CDH19: variants seen among roughly 807,000 people sequenced by gnomAD.
The protein encoded by CDH19 is cadherin 19, also known as cadherin-19.
Under a neutral mutation model 64.2 loss-of-function variants are expected in CDH19, and 67 were observed. The ratio of observed to expected loss-of-function variants is 1.04; its 90% CI spans 0.86 to 1.28. The LOEUF is 1.28. Among genes scored for constraint, CDH19 ranks in the 50% most tolerant of loss-of-function variants. The probability of loss-of-function intolerance (pLI) is 0.00; values close to 1 mark genes in which losing one functional copy is unlikely to be tolerated. For missense variants in CDH19, 1,030 were observed against 929.0 expected, an observed-to-expected ratio of 1.11 and a Z score of -1.41; for synonymous variants, 346 against 319.3, an observed-to-expected ratio of 1.08 and a Z score of -0.89.
intron 1 of CDH19, among the ~76,000 whole-genome samples, chr18:66,575,603 C>A (rs1209749773): frequency 6.6e-6 from 1 of 151,750 alleles, no homozygotes; most frequent in Non-Finnish European, 1.5e-5. Context: ...AGTTGTTACA[C>A]CAAAGCCGTA....
chr18:66,594,567 C>G (rs1273126286), intron 1 of CDH19, among the ~76,000 whole-genome samples: 1 of 151,938 alleles, frequency 6.6e-6, no homozygotes, highest in Non-Finnish European at 1.5e-5. Context: ...GAATCACAGT[C>G]TTGGAACACA....
chr18:66,558,337 T>C (rs1200172613), intron 3 of CDH19, among the ~76,000 whole-genome samples: 1 of 150,710 alleles, frequency 6.6e-6, no homozygotes, highest in Non-Finnish European at 1.5e-5. Flanking sequence ...CTAATTATCT[T>C]TGTTTATTTT....
At chr18:66,601,152 G>T (rs1479138980) in intron 1 of CDH19, among the ~76,000 whole-genome samples, 1 of 151,712 alleles carries the variant, frequency 6.6e-6, no homozygotes, top group African/African-American at 2.4e-5. Flanking sequence ...TTTATGTTTA[G>T]TAGTATTATC....
chr18:66,515,278 A>C (rs1286662791), intron 9 of CDH19, among the ~76,000 whole-genome samples: 1 of 151,682 alleles, frequency 6.6e-6, no homozygotes, highest in Non-Finnish European at 1.5e-5. Context: ...ATTGCCAAGA[A>C]ATTATTATAC....
intron 1 of CDH19, among the ~76,000 whole-genome samples, chr18:66,583,798 T>C (rs981046289): frequency 5.3e-5 from 8 of 152,048 alleles, no homozygotes; most frequent in African/African-American, 1.9e-4. Flanking sequence ...TGGCTAGCCA[T>C]ATACAAAAGA....
rs1987321758 is a variant in CDH19 at position 66,551,080 on chromosome 18, TC to T, written c.775+13del. On this transcript the variant is annotated intron_variant, in intron 5 of 11. Transcript: ENST00000262150. The stretch of plus-strand genomic sequence containing the variant: ...TTTATAATGTAATGAAGATGTAGAA[TC>T]CTTTTTACTTACTTTCTTTAAATAT... 1.4e-6 allele frequency: 2 copies of T among 1,390,402 alleles called. No homozygotes were observed. The highest frequency in any genetic ancestry group is 1.2e-5 in the South Asian group (1 of 82,822). 86.1% of individuals were successfully genotyped at this position (1,390,402 alleles called of 1,614,324 possible). A position where few individuals can be genotyped will look rare whatever the true frequency, so the allele number is the denominator to read the frequency against.
At chr18:66,542,827 A>G (rs548661442) in intron 7 of CDH19, among the ~76,000 whole-genome samples, 2 of 152,060 alleles carry the variant, frequency 1.3e-5, no homozygotes, top group Admixed American at 6.6e-5. Flanking sequence ...CTAGGTTGAG[A>G]CCTCCTTATG....
intron 9 of CDH19, among the ~76,000 whole-genome samples, chr18:66,520,100 G>A (rs1023378172): frequency 2.0e-5 from 3 of 152,062 alleles, no homozygotes; most frequent in Non-Finnish European, 4.4e-5. Flanking sequence ...CAGGAGAATC[G>A]CTTGAACTCG....
At chr18:66,530,283 G>T (rs993319791) in intron 8 of CDH19, among the ~76,000 whole-genome samples, 1 of 151,914 alleles carries the variant, frequency 6.6e-6, no homozygotes, top group Non-Finnish European at 1.5e-5. Context: ...AAGAGTCCAG[G>T]AACCATTTAA....
At chr18:66,567,606 T>G (rs1208175376) in intron 3 of CDH19, among the ~76,000 whole-genome samples, 1 of 151,878 alleles carries the variant, frequency 6.6e-6, no homozygotes, top group African/African-American at 2.4e-5. Flanking sequence ...TATGTATTTT[T>G]GGAATCATTG....
intron 1 of CDH19, among the ~76,000 whole-genome samples, chr18:66,577,139 CAA>C (rs1481881004): frequency 6.6e-6 from 1 of 151,544 alleles, no homozygotes; most frequent in African/African-American, 2.4e-5. Flanking sequence ...CAATTCCCTC[CAA>C]AGTGTTGTAT....
intron 4 of CDH19, among the ~76,000 whole-genome samples, chr18:66,553,376 C>T (rs879754081): frequency 4.5e-5 from 6 of 133,182 alleles, no homozygotes; most frequent in Non-Finnish European, 9.2e-5. Context: ...ATTTTTCTTC[C>T]ATACATTTGA....
At chr18:66,543,170 T>G (rs1029619730) in intron 7 of CDH19, among the ~76,000 whole-genome samples, 1 of 151,958 alleles carries the variant, frequency 6.6e-6, no homozygotes, top group Non-Finnish European at 1.5e-5. Context: ...GGACTACAGG[T>G]GCCCGCCGCC....
Position 66,501,456 on chromosome 18 carries a change from GA to G in CDH19, c.*3355del. On this transcript the variant is annotated 3_prime_UTR_variant, in exon 12 of 12. Coordinates refer to ENST00000262150, the MANE Select transcript of CDH19 (RefSeq NM_021153.4). ...GATGTAATGGAAAATAGAAGTGTTT[GA>G]AGGAAGATTGCTTTAGTAACTGAGG... 1 of 152,302 alleles carries G rather than the reference GA, an allele frequency of 6.6e-6. No individual in the cohort carries two copies. The highest frequency in any genetic ancestry group is 2.1e-4 in the South Asian group (1 of 4,830). 9.4% of individuals were successfully genotyped at this position (152,302 alleles called of 1,614,324 possible).
rs1491133274 is a variant in CDH19 at position 66,527,069 on chromosome 18, GTA to G, written c.1458+2774_1458+2775del. ...TATATGTGTGTGTGTGTGTGTGTGT[GTA>G]TGTATGTATATATATGTGTATGGCA... On this transcript the variant is annotated intron_variant, in intron 9 of 11. Coordinates refer to ENST00000262150, the MANE Select transcript of CDH19 (RefSeq NM_021153.4). Among the ~76,000 whole-genome samples, 6 of 143,972 alleles carry G rather than the reference GTA, an allele frequency of 4.2e-5. No homozygotes were observed. The South Asian group carries it at 6.8e-4, about 16-fold the overall frequency. The allele number at this position is 143,972 out of a possible 152,430, so 94.5% of individuals were successfully genotyped here. A position where few individuals can be genotyped will look rare whatever the true frequency, so the allele number is the denominator to read the frequency against.
At chr18:66,525,143 T>C (rs1986171513) in intron 9 of CDH19, among the ~76,000 whole-genome samples, 1 of 152,160 alleles carries the variant, frequency 6.6e-6, no homozygotes, top group African/African-American at 2.4e-5. Context: ...TTTCTCTGTT[T>C]ACTTCTAAAT....
Position 66,572,043 on chromosome 18 carries a change from C to T in CDH19, c.162G>A (p.Glu54=), listed in dbSNP as rs1243537382. 6.2e-7 allele frequency: 1 copy of T among 1,610,728 alleles called. No individual in the cohort carries two copies. The highest frequency in any genetic ancestry group is 2.2e-5 in the East Asian group (1 of 44,798). ...TGTGATGACTAGTCGTATTCATTTC[C>T]TCTGGTACAAAAAATTGGTTCCACA... ...GWVWNQFFVP[E]EMNTTSHHIG... Residue 54 remains glutamate (E), a synonymous_variant, in exon 2 of 12, where the codon GAG becomes GAA. Transcript: ENST00000262150.
At chr18:66,515,362 CAAAAT>C (rs1483355827) in intron 9 of CDH19, among the ~76,000 whole-genome samples, 2 of 151,502 alleles carry the variant, frequency 1.3e-5, no homozygotes, top group Non-Finnish European at 3.0e-5. Context: ...CCTGTTTTGA[CAAAAT>C]AAATCTATAA....
At chr18:66,567,041 A>C (rs2144565948) in intron 3 of CDH19, among the ~76,000 whole-genome samples, 1 of 152,012 alleles carries the variant, frequency 6.6e-6, no homozygotes, top group African/African-American at 2.4e-5. Context: ...CAGACAATTA[A>C]TAATCATCAT....
Sources: allele counts gnomAD v4.1 joint callset (sites outside exome capture counted in the v4.1 genomes callset), GRCh38; gene constraint gnomAD v4.1.1; transcripts MANE v1.5; gene names NCBI Gene and HGNC (gene_info 2026-07-23, HGNC 2026-07-21).